Variants in SLC8A1 observed in about 807,000 individuals in gnomAD.
SLC8A1 encodes sodium/calcium exchanger 1.
Under a neutral mutation model 68.3 loss-of-function variants are expected in SLC8A1, and 18 were observed. The ratio of observed to expected loss-of-function variants is 0.26; its 90% CI spans 0.18 to 0.39. SLC8A1 has a LOEUF of 0.39. Ranked by LOEUF, SLC8A1 falls within the 10% of genes least tolerant of loss-of-function variation. The probability of loss-of-function intolerance (pLI) is 1.00; values close to 1 mark genes in which losing one functional copy is unlikely to be tolerated. For missense variants in SLC8A1, 985 were observed against 1,156.7 expected (o/e 0.85, Z 2.15); for synonymous variants, 475 against 415.5 (o/e 1.14, Z -1.74).
chr2:40,204,425 A>C (rs2054986978), intron 2 of SLC8A1, among the ~76,000 whole-genome samples: 1 of 152,020 alleles, frequency 6.6e-6, no homozygotes, highest in Admixed American at 6.6e-5. Context: ...AATGACAACT[A>C]TGTACTGCAA....
intron 2 of SLC8A1, among the ~76,000 whole-genome samples, chr2:40,396,664 T>G (rs1559513872): frequency 2.8e-5 from 4 of 145,436 alleles, no homozygotes; most frequent in Admixed American, 7.1e-5. Flanking sequence ...TATGTTTCTT[T>G]AAAAAGAAAA....
intron 4 of SLC8A1, among the ~76,000 whole-genome samples, chr2:40,171,604 A>C (rs1189140079): frequency 2.0e-5 from 3 of 152,216 alleles, no homozygotes; most frequent in Non-Finnish European, 4.4e-5. Context: ...TTCAAGATGC[A>C]GGTAGAAATA....
chr2:40,097,894 G>T (rs2033668804), exon 8 of SLC8A1: 1 of 151,922 alleles, frequency 6.6e-6, no homozygotes. Flanking sequence ...GGGCTTACAT[G>T]ATTACGACAG....
chr2:40,330,034 T>C (rs1020731186), intron 2 of SLC8A1, among the ~76,000 whole-genome samples: 2 of 152,340 alleles, frequency 1.3e-5, no homozygotes, highest in East Asian at 1.9e-4. Context: ...TGTTTCTAAC[T>C]AAAAACGGGT....
intron 1 of SLC8A1, among the ~76,000 whole-genome samples, chr2:40,486,174 C>T (rs1346855359): frequency 6.6e-6 from 1 of 152,118 alleles, no homozygotes; most frequent in Admixed American, 6.6e-5. Flanking sequence ...GAAAAAGGTG[C>T]CTTGCTTCCC....
chr2:40,172,681 G>A (rs1453148526), intron 4 of SLC8A1, among the ~76,000 whole-genome samples: 5 of 152,136 alleles, frequency 3.3e-5, no homozygotes, highest in East Asian at 3.9e-4. Flanking sequence ...GGTGGCTCAC[G>A]CCTGTAATCC....
chr2:40,144,072 C>G lies in SLC8A1; in HGVS notation c.2162-4396G>C, dbSNP rs140899983. Among the ~76,000 whole-genome samples, 214 of 152,272 alleles carry G rather than the reference C, an allele frequency of 1.4e-3. 1 individual carries two copies. Among genetic ancestry groups the G allele is most frequent in the African/African-American group, 5.0e-3 (209 of 41,556 alleles). ...ATAAAACTATATGCATCTTTATAGA[C>G]AAATGTGCCATATTCCATTATTGTT... On this transcript the variant is annotated intron_variant, in intron 6 of 7. Transcript: ENST00000406785.
At chr2:40,348,478 A>G (rs1015105901) in intron 2 of SLC8A1, among the ~76,000 whole-genome samples, 4 of 152,124 alleles carry the variant, frequency 2.6e-5, no homozygotes, top group Non-Finnish European at 5.9e-5. Context: ...TTTTTTCTGA[A>G]CTCTGGTTTT....
chr2:40,398,848 T>A (rs1030767887), intron 2 of SLC8A1, among the ~76,000 whole-genome samples: 2 of 152,198 alleles, frequency 1.3e-5, no homozygotes, highest in African/African-American at 4.8e-5. Context: ...GATTGATAAA[T>A]GACACACTTC....
intron 1 of SLC8A1, among the ~76,000 whole-genome samples, chr2:40,499,402 A>G (rs917218881): frequency 2.6e-5 from 4 of 152,256 alleles, no homozygotes; most frequent in South Asian, 2.1e-4. Flanking sequence ...GTGAGTTAAT[A>G]TAGGTAAATC....
chr2:40,310,539 C>T (rs983987853), intron 2 of SLC8A1, among the ~76,000 whole-genome samples: 3 of 152,148 alleles, frequency 2.0e-5, no homozygotes, highest in African/African-American at 7.2e-5. Flanking sequence ...GTACTCGGGT[C>T]TGTAGCAGCT....
intron 2 of SLC8A1, among the ~76,000 whole-genome samples, chr2:40,391,360 A>T (rs1312463967): frequency 3.3e-5 from 5 of 151,996 alleles, no homozygotes; most frequent in African/African-American, 9.7e-5. Flanking sequence ...AAATAGGAAT[A>T]AGTGTCCTTT....
intron 1 of SLC8A1, among the ~76,000 whole-genome samples, chr2:40,496,656 G>C (rs996761774): frequency 2.0e-5 from 3 of 151,968 alleles, no homozygotes; most frequent in Admixed American, 1.3e-4. Context: ...TGGTAAAATT[G>C]ACAGTTTTTG....
At chr2:40,254,646 C>CACAT (rs2063587889) in intron 2 of SLC8A1, 1 of 152,090 alleles carries the variant, frequency 6.6e-6, no homozygotes, top group Non-Finnish European at 1.5e-5. Context: ...TAACCTACAA[C>CACAT]ACATACACTC....
chr2:40,244,264 T>G (rs2061560875), intron 2 of SLC8A1, among the ~76,000 whole-genome samples: 1 of 152,106 alleles, frequency 6.6e-6, no homozygotes. Context: ...TCAGTGCACA[T>G]GAAGAGACCC....
intron 2 of SLC8A1, among the ~76,000 whole-genome samples, chr2:40,308,520 G>A (rs2073088391): frequency 6.6e-6 from 1 of 152,130 alleles, no homozygotes; most frequent in Non-Finnish European, 1.5e-5. Context: ...TAAATGACAG[G>A]AAGAAGCTTG....
At chr2:40,214,737 CTGTT>C (rs973857233) in intron 2 of SLC8A1, among the ~76,000 whole-genome samples, 6 of 152,076 alleles carry the variant, frequency 3.9e-5, no homozygotes, top group African/African-American at 9.7e-5. Flanking sequence ...TGCATCCGGC[CTGTT>C]TGTTTGTATA....
At chr2:40,184,911 A>G (rs2050398414) in intron 2 of SLC8A1, among the ~76,000 whole-genome samples, 3 of 151,672 alleles carry the variant, frequency 2.0e-5, no homozygotes. Context: ...AAAAAAAAAA[A>G]AAAAAAAAGG....
intron 1 of SLC8A1, chr2:40,446,533 A>G (rs2149851012): frequency 6.6e-6 from 1 of 152,344 alleles, no homozygotes; most frequent in Non-Finnish European, 1.5e-5. Context: ...CCGTGAAACC[A>G]CGTCCAATGT....
Sources: gnomAD v4.1 joint callset for allele counts (sites outside exome capture counted in the v4.1 genomes callset) on GRCh38, gnomAD v4.1.1 for gene constraint, MANE v1.5 for transcripts, NCBI Gene and HGNC (gene_info 2026-07-23, HGNC 2026-07-21) for gene names.